Variants in ANKRD36B observed in about 807,000 individuals in gnomAD.
ANKRD36B encodes the protein ankyrin repeat domain-containing protein 36B.
A neutral mutation model predicts 135.7 loss-of-function variants in ANKRD36B; 37 were observed. The ratio of observed to expected loss-of-function variants is 0.27; its 90% CI spans 0.21 to 0.36. The LOEUF is 0.36. Among genes scored for constraint, ANKRD36B ranks in the 10% least tolerant of loss-of-function variants. ANKRD36B has a pLI of 1.00. For missense variants in ANKRD36B, 549 were observed against 1,037.1 expected, an observed-to-expected ratio of 0.53 and a Z score of 6.46; for synonymous variants, 179 against 348.1, an observed-to-expected ratio of 0.51 and a Z score of 5.41.
chr2:97,559,273 C>T (rs1367753402), intron 8 of ANKRD36B, among the ~76,000 whole-genome samples: 1 of 151,798 alleles, frequency 6.6e-6, no homozygotes, highest in Non-Finnish European at 1.5e-5. Flanking sequence ...TGTGGATATG[C>T]CGAGTGATGA....
intron 5 of ANKRD36B, among the ~76,000 whole-genome samples, chr2:97,577,832 A>G (rs1213932625): frequency 6.6e-6 from 1 of 151,822 alleles, no homozygotes; most frequent in African/African-American, 2.4e-5. Flanking sequence ...GGGGCCAACC[A>G]CAAGTTGATG....
chr2:97,552,123 T>C (rs576929524), intron 16 of ANKRD36B, among the ~76,000 whole-genome samples: 2 of 152,056 alleles, frequency 1.3e-5, no homozygotes, highest in African/African-American at 4.8e-5. Context: ...CTCTGAAAAT[T>C]TCTTCATCCA....
At chr2:97,554,254 T>C (rs1032035273) in intron 14 of ANKRD36B, among the ~76,000 whole-genome samples, 3 of 151,976 alleles carry the variant, frequency 2.0e-5, no homozygotes, top group Non-Finnish European at 4.4e-5. Context: ...GATCATACTA[T>C]TCTCTAAATA....
At chr2:97,563,453 C>G (rs2081200086) in intron 6 of ANKRD36B, among the ~76,000 whole-genome samples, 4 of 151,346 alleles carry the variant, frequency 2.6e-5, no homozygotes, top group Non-Finnish European at 5.9e-5. Context: ...CACACACACA[C>G]ATTCACACAC....
chr2:97,532,726 A>T (rs1300348034), intron 34 of ANKRD36B, among the ~76,000 whole-genome samples: 1 of 46,744 alleles, frequency 2.1e-5, no homozygotes, highest in African/African-American at 3.0e-4. Context: ...CTGTGTCTCA[A>T]AAAAAAAAAA....
Position 97,530,631 on chromosome 2 carries a change from G to C in ANKRD36B, c.2265+1680C>G, listed in dbSNP as rs1367596146. Among the ~76,000 whole-genome samples the C allele has an allele frequency of 2.1e-5, 2 of 94,776 alleles. 1 individual carries two copies. The highest frequency in any genetic ancestry group is 6.3e-5 in the African/African-American group (2 of 31,526). 62.2% of individuals were successfully genotyped at this position (94,776 alleles called of 152,430 possible). ...GAGTGAACAGGCAACCTACAAAATG[G>C]GAGAAAATTTTCACAACCTACTCAT... On this transcript the variant is annotated intron_variant, in intron 35 of 43. Coordinates refer to ENST00000359901, the MANE Select transcript of ANKRD36B (RefSeq NM_001393939.1).
rs779488647 is a variant in ANKRD36B at position 97,538,389 on chromosome 2, C to T, written c.1988-26G>A. The T allele has an allele frequency of 2.9e-5, 26 of 901,408 alleles. 5 individuals are homozygous for T. Among genetic ancestry groups the T allele is most frequent in the South Asian group, 2.2e-4 (17 of 76,012 alleles). The allele number at this position is 901,408 out of a possible 1,614,324, so 55.8% of individuals were successfully genotyped here. ...CTGAAAAGTAAAAGAAATATATAATCCATCATATGTAAATATGATAAAGTT... is the reference window on the plus strand; with the variant it reads ...CTGAAAAGTAAAAGAAATATATAATTCATCATATGTAAATATGATAAAGTT... On this transcript the variant is annotated intron_variant, in intron 30 of 43. Coordinates refer to ENST00000359901, the MANE Select transcript of ANKRD36B (RefSeq NM_001393939.1).
rs2080072170 is a variant in ANKRD36B at position 97,551,565 on chromosome 2, C to T, written c.1274-85G>A. On this transcript the variant is annotated intron_variant, in intron 16 of 43. Coordinates refer to ENST00000359901, the MANE Select transcript of ANKRD36B (RefSeq NM_001393939.1). ...ATTCATGCAGTGTTTGTATCAACCT[C>T]TGTCCTCCTGCCTGTATTAGCGTAG... The T allele has an allele frequency of 1.9e-6, 3 of 1,586,318 alleles. No homozygotes were observed. The East Asian group carries it at 6.8e-5, about 36-fold the overall frequency.
chr2:97,586,268 T>C (rs1015929177), intron 1 of ANKRD36B, among the ~76,000 whole-genome samples: 17 of 152,214 alleles, frequency 1.1e-4, no homozygotes, highest in Non-Finnish European at 2.1e-4. Context: ...GGCTCATTTT[T>C]TTCAATACTT....
rs772552618 is a variant in ANKRD36B, at chr2:97,585,304, CT to C, written c.255del (p.Asp86ThrfsTer5). ...RRCELNLCDREDRTPLIKAVQ... is the reference protein window; with the variant it reads ...RRCELNLCDRXDRTPLIKAVQ... ...TGTACCTTGATCAGAGGTGTCCTGTCTTCACGGTCGCAGAGGTTAAGCTCAC... is the reference window on the plus strand; with the variant it reads ...TGTACCTTGATCAGAGGTGTCCTGTCTCACGGTCGCAGAGGTTAAGCTCAC... On this transcript the variant is annotated frameshift_variant, in exon 2 of 44. Coordinates refer to ENST00000359901, the MANE Select transcript of ANKRD36B (RefSeq NM_001393939.1). LOFTEE classifies it high-confidence loss of function. 6.3e-7 allele frequency: 1 copy of C among 1,581,428 alleles called. No homozygotes were observed. Among genetic ancestry groups the C allele is most frequent in the Admixed American group, 1.8e-5 (1 of 55,436 alleles).
chr2:97,574,238 A>G (rs1438036379), intron 6 of ANKRD36B, among the ~76,000 whole-genome samples: 1 of 152,226 alleles, frequency 6.6e-6, no homozygotes, highest in Non-Finnish European at 1.5e-5. Flanking sequence ...GGATATGAAC[A>G]GACACTTCTC....
At chr2:97,585,610 G>A (rs2082923724) in intron 1 of ANKRD36B, among the ~76,000 whole-genome samples, 1 of 152,172 alleles carries the variant, frequency 6.6e-6, no homozygotes, top group East Asian at 1.9e-4. Flanking sequence ...AAAATTTACT[G>A]TAAGCTCTGT....
At chr2:97,550,597 AC>A (rs1242924426) in intron 18 of ANKRD36B, among the ~76,000 whole-genome samples, 2 of 151,856 alleles carry the variant, frequency 1.3e-5, no homozygotes, top group African/African-American at 4.8e-5. Context: ...ACTAAAATCA[AC>A]AAAACATGTA....
intron 1 of ANKRD36B, among the ~76,000 whole-genome samples, chr2:97,586,948 G>T (rs532852436): frequency 6.6e-6 from 1 of 152,200 alleles, no homozygotes; most frequent in South Asian, 2.1e-4. Flanking sequence ...CCGAGGCGGG[G>T]GGATCACCTG....
intron 22 of ANKRD36B, among the ~76,000 whole-genome samples, chr2:97,546,185 C>A (rs896926353): frequency 6.6e-6 from 1 of 151,764 alleles, no homozygotes; most frequent in Non-Finnish European, 1.5e-5. Flanking sequence ...GCAACTCATA[C>A]ACGTGAGAAT....
Position 97,555,120 on chromosome 2 carries a change from T to G in ANKRD36B, c.1111A>C (p.Lys371Gln). The G allele has an allele frequency of 1.2e-6, 2 of 1,611,996 alleles. No individual in the cohort carries two copies. Among genetic ancestry groups the G allele is most frequent in the South Asian group, 2.2e-5 (2 of 91,042 alleles). Residue 371 changes from lysine (K) to glutamine (Q), a missense_variant, in exon 14 of 44, where the codon AAG becomes CAG. Physicochemically the swap from Lys to Gln is moderately conservative, Grantham distance 53. Transcript: ENST00000359901. ...GCTGTATTCAAAGCAGAATCTGTCT[T>G]GTCACTTGCAGTCTGAAAGTAATTT... ...KQPASKTASD[K>Q]TDSALNTATE...
At position 97,534,241 on chromosome 2, in the gene ANKRD36B, G is replaced by C. The variant is rs1218128301; in HGVS notation, c.2192-1857C>G. Among the ~76,000 whole-genome samples the C allele has an allele frequency of 2.1e-5, 2 of 94,132 alleles. 1 individual carries two copies. Among genetic ancestry groups the C allele is most frequent in the Admixed American group, 1.9e-4 (2 of 10,670 alleles). The allele number at this position is 94,132 out of a possible 152,430, so 61.8% of individuals were successfully genotyped here. A position where few individuals can be genotyped will look rare whatever the true frequency, so the allele number is the denominator to read the frequency against. On this transcript the variant is annotated intron_variant, in intron 34 of 43. Coordinates refer to ENST00000359901, the MANE Select transcript of ANKRD36B (RefSeq NM_001393939.1). ...AACTTTTTGTTTCTAAAATTAGTTC[G>C]ATTTGATATACCATGCTAATCTCTA...
Position 97,553,088 on chromosome 2 carries a change from C to A in ANKRD36B, c.1273+80G>T, listed in dbSNP as rs1055679153. 6 of 1,522,238 alleles carry A rather than the reference C, an allele frequency of 3.9e-6. No individual in the cohort carries two copies. In the African/African-American group the frequency reaches 8.4e-5, roughly 21 times the overall value. The allele number at this position is 1,522,238 out of a possible 1,614,324, so 94.3% of individuals were successfully genotyped here. A position where few individuals can be genotyped will look rare whatever the true frequency, so the allele number is the denominator to read the frequency against. On this transcript the variant is annotated intron_variant, in intron 16 of 43. Coordinates refer to ENST00000359901, the MANE Select transcript of ANKRD36B (RefSeq NM_001393939.1). Reference sequence around the variant, plus strand: ...CAGCTTCAGCGAGCCCCCCACCCGCCCTGCGCTGATTTATTAGGGGTAGAG... The same window carrying A: ...CAGCTTCAGCGAGCCCCCCACCCGCACTGCGCTGATTTATTAGGGGTAGAG...
Position 97,553,080 on chromosome 2 carries a change from C to A in ANKRD36B, c.1273+88G>T, listed in dbSNP as rs1022884577. On this transcript the variant is annotated intron_variant, in intron 16 of 43. Coordinates refer to ENST00000359901, the MANE Select transcript of ANKRD36B (RefSeq NM_001393939.1). ...AGAATGTGCAGCTTCAGCGAGCCCC[C>A]CACCCGCCCTGCGCTGATTTATTAG... 14 of 1,481,796 alleles carry A rather than the reference C, an allele frequency of 9.4e-6. No individual in the cohort carries two copies. The Admixed American group carries it at 1.9e-4, about 20-fold the overall frequency. The allele number at this position is 1,481,796 out of a possible 1,614,324, so 91.8% of individuals were successfully genotyped here. A position where few individuals can be genotyped will look rare whatever the true frequency, so the allele number is the denominator to read the frequency against.
Sources: gnomAD v4.1 joint callset for allele counts (sites outside exome capture counted in the v4.1 genomes callset) on GRCh38, gnomAD v4.1.1 for gene constraint, MANE v1.5 for transcripts, NCBI Gene and HGNC (gene_info 2026-07-23, HGNC 2026-07-21) for gene names.